TEX9: variants seen among roughly 807,000 people sequenced by gnomAD.
The protein encoded by TEX9 is testis-expressed protein 9.
Under a neutral mutation model 59.6 loss-of-function variants are expected in TEX9, and 74 were observed. The ratio of observed to expected loss-of-function variants is 1.24; its 90% CI spans 1.03 to 1.51. TEX9 has a LOEUF of 1.51. Ranked by LOEUF, TEX9 falls within the 40% of genes most tolerant of loss-of-function variation. The pLI is 0.00. For synonymous variants in TEX9, 186 were observed against 152.2 expected (o/e 1.22, Z -1.64); for missense variants, 522 against 447.8 (o/e 1.17, Z -1.49).
intron 10 of TEX9, among the ~76,000 whole-genome samples, chr15:56,416,840 C>CT (rs1210207880): frequency 1.3e-5 from 2 of 151,646 alleles, no homozygotes; most frequent in Non-Finnish European, 2.9e-5. Flanking sequence ...GGGTCCCAGG[C>CT]TTTTTTTGAT....
chr15:56,374,332 C>A (rs1466561871), intron 3 of TEX9: 1 of 152,080 alleles, frequency 6.6e-6, no homozygotes, highest in Non-Finnish European at 1.5e-5. Context: ...GGAATGGATT[C>A]CTACCCCTGC....
At chr15:56,287,206 T>A (rs2044975157) in intron 1 of TEX9, among the ~76,000 whole-genome samples, 2 of 152,094 alleles carry the variant, frequency 1.3e-5, no homozygotes, top group African/African-American at 4.8e-5. Flanking sequence ...ATATAATAAT[T>A]ACTTAAATAC....
chr15:56,360,556 T>C (rs2046771243), upstream of TEX9, among the ~76,000 whole-genome samples: 1 of 152,242 alleles, frequency 6.6e-6, no homozygotes, highest in Non-Finnish European at 1.5e-5. Context: ...TGACTTATTT[T>C]CCATTTCTAA....
the TEX9 span, among the ~76,000 whole-genome samples, chr15:56,452,711 G>A: frequency 6.6e-6 from 1 of 151,752 alleles, no homozygotes; most frequent in Non-Finnish European, 1.5e-5. Flanking sequence ...GTAGAGACGC[G>A]GTTTCACCGT....
intron 12 of TEX9, among the ~76,000 whole-genome samples, chr15:56,431,152 C>G (rs2140316996): frequency 6.6e-6 from 1 of 152,194 alleles, no homozygotes. Context: ...GGTACAAATT[C>G]AGTAAATCAA....
chr15:56,293,707 G>C (rs2045152214), intron 1 of TEX9, among the ~76,000 whole-genome samples: 1 of 152,184 alleles, frequency 6.6e-6, no homozygotes, highest in African/African-American at 2.4e-5. Flanking sequence ...GGCAGTATGT[G>C]ATCAAGCCCT....
At chr15:56,426,048 T>C (rs1233916459) in intron 10 of TEX9, among the ~76,000 whole-genome samples, 1 of 152,194 alleles carries the variant, frequency 6.6e-6, no homozygotes, top group East Asian at 1.9e-4. Context: ...ATTTTATTCC[T>C]CTGCCCATAA....
intron 9 of TEX9, among the ~76,000 whole-genome samples, chr15:56,404,785 C>T (rs1282512348): frequency 3.3e-5 from 5 of 152,184 alleles, no homozygotes; most frequent in Middle Eastern, 6.8e-3. Context: ...ATATATACCA[C>T]GGAATACTCT....
intron 10 of TEX9, among the ~76,000 whole-genome samples, chr15:56,414,175 A>G (rs1478469827): frequency 6.6e-6 from 1 of 151,856 alleles, no homozygotes; most frequent in East Asian, 1.9e-4. Flanking sequence ...TTCACATATT[A>G]AGAAAACAGA....
intron 6 of TEX9, among the ~76,000 whole-genome samples, chr15:56,390,303 C>T (rs141594157): frequency 7.2e-5 from 11 of 151,862 alleles, no homozygotes; most frequent in East Asian, 3.9e-4. Context: ...AATAGGGTGA[C>T]GATAGCCAAT....
At chr15:56,335,781 A>G (rs898279290) in intron 1 of TEX9, among the ~76,000 whole-genome samples, 23 of 152,294 alleles carry the variant, frequency 1.5e-4, no homozygotes, top group African/African-American at 4.8e-4. Flanking sequence ...TATACCTACT[A>G]TATACCCACA....
At chr15:56,363,219 A>G (rs1162666459), upstream of TEX9, among the ~76,000 whole-genome samples, 2 of 151,382 alleles carry the variant, frequency 1.3e-5, no homozygotes, top group African/African-American at 2.4e-5. Context: ...CTAACAGTTT[A>G]TGAGGGTTCA....
At chr15:56,265,321 C>G (rs1245853325) in intron 1 of TEX9, among the ~76,000 whole-genome samples, 1 of 151,720 alleles carries the variant, frequency 6.6e-6, no homozygotes, top group Non-Finnish European at 1.5e-5. Context: ...AATGTGCTAC[C>G]AGGCCCAGCT....
intron 9 of TEX9, among the ~76,000 whole-genome samples, chr15:56,407,642 GGTAT>G (rs2049142340): frequency 6.6e-6 from 1 of 151,876 alleles, no homozygotes; most frequent in African/African-American, 2.4e-5. Flanking sequence ...ACAAATCTCA[GGTAT>G]AATGCATTTG....
chr15:56,428,154 T>C (rs1295750171), intron 11 of TEX9, among the ~76,000 whole-genome samples: 2 of 152,086 alleles, frequency 1.3e-5, no homozygotes, highest in Non-Finnish European at 2.9e-5. Context: ...TAAAATATTA[T>C]AGAATTATTA....
intron 1 of TEX9, among the ~76,000 whole-genome samples, chr15:56,329,025 G>C (rs1361982877): frequency 2.6e-5 from 4 of 152,156 alleles, no homozygotes; most frequent in Non-Finnish European, 4.4e-5. Context: ...TCCCAGTGGT[G>C]GTGGCCTCAG....
intron 12 of TEX9, among the ~76,000 whole-genome samples, chr15:56,437,436 C>T (rs1408836267): frequency 6.6e-6 from 1 of 152,108 alleles, no homozygotes; most frequent in Non-Finnish European, 1.5e-5. Context: ...TAAAAACTCT[C>T]AATAAATTAG....
Position 56,347,979 on chromosome 15 carries a change from T to G in TEX9, c.-106-25462T>G, listed in dbSNP as rs756879648. Among the ~76,000 whole-genome samples, 3 of 151,896 alleles carry G rather than the reference T, an allele frequency of 2.0e-5. No homozygotes were observed. In the East Asian group the frequency reaches 5.8e-4, roughly 29 times the overall value. On this transcript the variant is annotated intron_variant, in intron 1 of 5. Coordinates refer to the TEX9 transcript ENST00000560827. Reference sequence around the variant, plus strand: ...CTTTAAGAGATTTCACTAAAGAAAATAGAGGATGTTAGAAAAGTGCATGTA... The same window carrying G: ...CTTTAAGAGATTTCACTAAAGAAAAGAGAGGATGTTAGAAAAGTGCATGTA...
chr15:56,449,159 C>A (rs1342096276), downstream of TEX9, among the ~76,000 whole-genome samples: 5 of 152,050 alleles, frequency 3.3e-5, no homozygotes, highest in African/African-American at 9.7e-5. Context: ...TTTGCTTTTT[C>A]TTGCCCTATT....
Sources: allele counts gnomAD v4.1 joint callset (sites outside exome capture counted in the v4.1 genomes callset), GRCh38; gene constraint gnomAD v4.1.1; transcripts MANE v1.5; gene names NCBI Gene and HGNC (gene_info 2026-07-23, HGNC 2026-07-21).